Variants in LRRC40 observed in about 807,000 individuals in gnomAD.
LRRC40 encodes the protein leucine-rich repeat-containing protein 40.
Under a neutral mutation model 72.8 loss-of-function variants are expected in LRRC40, and 76 were observed. The ratio of observed to expected loss-of-function variants is 1.04; its 90% CI spans 0.87 to 1.26. The LOEUF (loss-of-function observed/expected upper bound fraction) is 1.26. Ranked by LOEUF, LRRC40 falls within the 50% of genes most tolerant of loss-of-function variation. The pLI is 0.00. For synonymous variants in LRRC40, 243 were observed against 254.2 expected (o/e 0.96, Z 0.42); for missense variants, 684 against 698.9 (o/e 0.98, Z 0.24).
chr1:70,180,124 T>C (rs1668209543), intron 5 of LRRC40: 1 of 152,196 alleles, frequency 6.6e-6, no homozygotes, highest in Non-Finnish European at 1.5e-5. Context: ...TAATTTATTT[T>C]ATTTTATTTT....
intron 9 of LRRC40, among the ~76,000 whole-genome samples, chr1:70,171,755 T>C (rs1668004423): frequency 6.6e-6 from 1 of 152,114 alleles, no homozygotes; most frequent in African/African-American, 2.4e-5. Context: ...AGAATGTAAA[T>C]TGGTGCAGTT....
chr1:70,182,910 G>A (rs1668277943), intron 4 of LRRC40, among the ~76,000 whole-genome samples: 1 of 152,030 alleles, frequency 6.6e-6, no homozygotes, highest in African/African-American at 2.4e-5. Flanking sequence ...GGAACATGTG[G>A]GTGGATAGTA....
intron 4 of LRRC40, among the ~76,000 whole-genome samples, chr1:70,183,412 A>C (rs1232633628): frequency 9.9e-5 from 15 of 152,062 alleles, no homozygotes; most frequent in Non-Finnish European, 2.9e-5. Flanking sequence ...AAATGGAAAA[A>C]AAAAAAGAGA....
intron 12 of LRRC40, 81 bp from the exon 13 acceptor site, chr1:70,151,286 G>GAA: frequency 1.5e-6 from 1 of 666,486 alleles, no homozygotes; most frequent in Admixed American, 2.5e-5. Context: ...TATTGAGCAG[G>GAA]AAAAAAAAAT....
intron 4 of LRRC40, among the ~76,000 whole-genome samples, chr1:70,183,209 G>A (rs893035018): frequency 6.6e-5 from 10 of 152,176 alleles, no homozygotes; most frequent in African/African-American, 2.2e-4. Context: ...TAGAAAAGGA[G>A]TAATTTCTTC....
intron 10 of LRRC40, among the ~76,000 whole-genome samples, chr1:70,157,017 A>G (rs372174199): frequency 6.6e-6 from 1 of 152,228 alleles, no homozygotes; most frequent in Admixed American, 6.5e-5. Flanking sequence ...TTATCCTTAC[A>G]TTCTTCTTTT....
chr1:70,197,878 G>A (rs12060474), intron 1 of LRRC40, among the ~76,000 whole-genome samples: 1 of 151,952 alleles, frequency 6.6e-6, no homozygotes, highest in Non-Finnish European at 1.5e-5. Flanking sequence ...TCAGGAGTTT[G>A]AGACCAGCCT....
At chr1:70,205,231 C>G (rs1668906513) in intron 1 of LRRC40, among the ~76,000 whole-genome samples, 159 bp downstream of exon 1, 1 of 152,200 alleles carries the variant, frequency 6.6e-6, no homozygotes. Flanking sequence ...CTGGGCTAAC[C>G]AAACCGGTCG....
At chr1:70,148,888 A>C (rs1407833322) in intron 13 of LRRC40, among the ~76,000 whole-genome samples, 1 of 152,230 alleles carries the variant, frequency 6.6e-6, no homozygotes. Flanking sequence ...GACTTGTAAC[A>C]GTTGCTATTT....
chr1:70,203,118 C>T (rs1020376582), intron 1 of LRRC40, among the ~76,000 whole-genome samples: 2 of 152,152 alleles, frequency 1.3e-5, no homozygotes, highest in African/African-American at 4.8e-5. Context: ...TCTTGAATTT[C>T]TGGCCTCAAA....
Position 70,151,193 on chromosome 1 carries a change from TA to T in LRRC40, c.1451del (p.Leu484Ter). On this transcript the variant is annotated frameshift_variant, in exon 13 of 15. Transcript: ENST00000370952. LOFTEE classifies it high-confidence loss of function. ...LTFLDLRNNFLNSLPEEMESL... is the reference protein window; with the variant it reads ...LTFLDLRNNFXNSLPEEMESL... The stretch of plus-strand genomic sequence containing the variant: ...ATTCCATTTCTTCTGGCAAAGAATT[TA>T]AAAAATTGTTCCTAAATTGGAAATC... 6.4e-7 allele frequency: 1 copy of T among 1,569,110 alleles called. No individual in the cohort carries two copies. The highest frequency in any genetic ancestry group is 8.8e-7 in the Non-Finnish European group (1 of 1,141,886).
intron 9 of LRRC40, among the ~76,000 whole-genome samples, chr1:70,164,133 G>A (rs532687959): frequency 6.6e-6 from 1 of 152,000 alleles, no homozygotes; most frequent in African/African-American, 2.4e-5. Context: ...GATCACACAC[G>A]TAATCCCAGC....
chr1:70,179,846 A>G (rs1164090635), intron 5 of LRRC40, among the ~76,000 whole-genome samples: 1 of 151,960 alleles, frequency 6.6e-6, no homozygotes, highest in African/African-American at 2.4e-5. Context: ...CCAGGTAAAG[A>G]CTCCCCTAAA....
chr1:70,202,929 T>G (rs917727170), intron 1 of LRRC40, among the ~76,000 whole-genome samples: 7 of 152,196 alleles, frequency 4.6e-5, no homozygotes, highest in African/African-American at 7.2e-5. Flanking sequence ...CTCACTCTCT[T>G]GCCCAAGCTG....
chr1:70,190,676 C>T (rs1454999932), intron 1 of LRRC40, among the ~76,000 whole-genome samples: 1 of 18,144 alleles, frequency 5.5e-5, no homozygotes, highest in Non-Finnish European at 9.1e-5. Context: ...GACCCTGTCT[C>T]TAAAAAAAAA....
chr1:70,181,225 G>A lies in LRRC40; in HGVS notation c.538-16C>T, dbSNP rs767756877. ...TTGAAAGATCCTTTAAAAAGAGAAA[G>A]ACAAAATAAATGAATAAACAAGTAA... On this transcript the variant is annotated splice_polypyrimidine_tract_variant and intron_variant, in intron 4 of 14. Transcript: ENST00000370952. 4 of 1,460,384 alleles carry A rather than the reference G, an allele frequency of 2.7e-6. No individual in the cohort carries two copies. The highest frequency in any genetic ancestry group is 2.8e-6 in the Non-Finnish European group (3 of 1,090,816). The allele number at this position is 1,460,384 out of a possible 1,614,324, so 90.5% of individuals were successfully genotyped here. A position where few individuals can be genotyped will look rare whatever the true frequency, so the allele number is the denominator to read the frequency against.
chr1:70,199,215 TCACACACACACACACA>T (rs3223615), intron 1 of LRRC40, among the ~76,000 whole-genome samples: 290 of 140,520 alleles, frequency 2.1e-3, no homozygotes, highest in African/African-American at 7.4e-3. Flanking sequence ...ATACATAGTC[TCACACACACACACACA>T]CACACACACA....
intron 9 of LRRC40, among the ~76,000 whole-genome samples, chr1:70,172,218 C>A (rs1047635679): frequency 4.6e-5 from 7 of 152,142 alleles, no homozygotes; most frequent in African/African-American, 1.4e-4. Context: ...ACCAAATCTG[C>A]TGGTGCTTTG....
intron 14 of LRRC40, 130 bp from the exon 15 acceptor site, chr1:70,146,035 C>CT: frequency 5.5e-6 from 3 of 546,466 alleles, no homozygotes; most frequent in Non-Finnish European, 3.2e-6. Context: ...ATTTTTATTT[C>CT]TTTTTTTGAG....
Sources: gnomAD v4.1 joint callset for allele counts (sites outside exome capture counted in the v4.1 genomes callset) on GRCh38, gnomAD v4.1.1 for gene constraint, MANE v1.5 for transcripts, NCBI Gene and HGNC (gene_info 2026-07-23, HGNC 2026-07-21) for gene names.